PTPRD: variants seen among roughly 807,000 people sequenced by gnomAD.
The protein encoded by PTPRD is protein tyrosine phosphatase receptor type D.
In PTPRD, 34 loss-of-function variants were observed where a neutral mutation model predicts 214.5. That is an observed-to-expected ratio of 0.16 (90% CI 0.12 to 0.21). PTPRD has a LOEUF of 0.21. Ranked by LOEUF, PTPRD falls within the 10% of genes least tolerant of loss-of-function variation. PTPRD has a pLI of 1.00. For missense variants in PTPRD, 2,545 were observed against 2,398.7 expected, an observed-to-expected ratio of 1.06 and a Z score of -1.27; for synonymous variants, 1,128 against 845.7, an observed-to-expected ratio of 1.33 and a Z score of -5.79.
At chr9:9,789,790 CTGTCTCAAAAAAAAAAAAA>C (rs1217044732) in intron 5 of PTPRD, among the ~76,000 whole-genome samples, 2 of 71,798 alleles carry the variant, frequency 2.8e-5, no homozygotes, top group African/African-American at 7.8e-5. Flanking sequence ...GAGCCAAACT[CTGTCTCAAAAAAAAAAAAA>C]AAAAAAAAAA....
intron 2 of PTPRD, among the ~76,000 whole-genome samples, chr9:10,590,909 T>C (rs573593795): frequency 1.3e-5 from 2 of 150,246 alleles, no homozygotes; most frequent in Admixed American, 6.7e-5. Context: ...ATAAAATATA[T>C]ATAAATTATA....
At chr9:9,652,730 T>A (rs2096396848) in intron 7 of PTPRD, among the ~76,000 whole-genome samples, 1 of 151,698 alleles carries the variant, frequency 6.6e-6, no homozygotes, top group Non-Finnish European at 1.5e-5. Context: ...TTCTCCTACC[T>A]CAGCCTCCCA....
chr9:8,657,466 G>A (rs907036364), intron 12 of PTPRD, among the ~76,000 whole-genome samples: 1 of 151,986 alleles, frequency 6.6e-6, no homozygotes. Context: ...ACCGTGCCCG[G>A]CCTGCCCACT....
At chr9:9,876,052 G>C (rs2066764531) in intron 5 of PTPRD, among the ~76,000 whole-genome samples, 1 of 152,044 alleles carries the variant, frequency 6.6e-6, no homozygotes, top group African/African-American at 2.4e-5. Context: ...AAGAAGGAAG[G>C]AATAAAGGAT....
intron 10 of PTPRD, among the ~76,000 whole-genome samples, chr9:9,053,300 G>A (rs1417998834): frequency 6.6e-6 from 1 of 151,860 alleles, no homozygotes; most frequent in African/African-American, 2.4e-5. Flanking sequence ...ATATTAATAG[G>A]GCTATTAAGA....
chr9:10,098,993 T>C (rs960272123), intron 3 of PTPRD, among the ~76,000 whole-genome samples: 2 of 151,776 alleles, frequency 1.3e-5, no homozygotes, highest in African/African-American at 4.8e-5. Context: ...ACAATGGGTG[T>C]ACCCTCTTTT....
chr9:9,947,530 A>ATATATT (rs1566622153), intron 4 of PTPRD, among the ~76,000 whole-genome samples: 1 of 17,328 alleles, frequency 5.8e-5, no homozygotes, highest in African/African-American at 3.0e-4. Flanking sequence ...TATTATATAT[A>ATATATT]TTTTATATAT....
intron 10 of PTPRD, among the ~76,000 whole-genome samples, chr9:9,159,463 GCAA>G (rs1268958124): frequency 2.0e-5 from 3 of 151,938 alleles, no homozygotes; most frequent in Admixed American, 6.6e-5. Flanking sequence ...ATTTATAATA[GCAA>G]CAACAACAAA....
chr9:10,382,066 A>G (rs1238962090), intron 2 of PTPRD, among the ~76,000 whole-genome samples: 1 of 151,878 alleles, frequency 6.6e-6, no homozygotes, highest in Non-Finnish European at 1.5e-5. Context: ...TAAGTCGTCT[A>G]ATGTCTGCAA....
rs371798959 is a variant in PTPRD, at chr9:8,381,694, A to G, written c.4387-4968T>C. On this transcript the variant is annotated intron_variant, in intron 37 of 45. Coordinates refer to ENST00000381196, the MANE Select transcript of PTPRD (RefSeq NM_002839.4). Reference sequence around the variant, plus strand: ...TATTATTCTCAAAATAAACCAAATTACATGTCATAAAATTGCCTACCAGTT... The same window carrying G: ...TATTATTCTCAAAATAAACCAAATTGCATGTCATAAAATTGCCTACCAGTT... 4.2e-4 allele frequency among the ~76,000 whole-genome samples: 64 copies of G among 152,340 alleles called. 3 individuals are homozygous for G. In the South Asian group the frequency reaches 0.013, roughly 32 times the overall value.
chr9:9,135,917 G>C (rs2099850101), intron 10 of PTPRD, among the ~76,000 whole-genome samples: 1 of 150,578 alleles, frequency 6.6e-6, no homozygotes, highest in Non-Finnish European at 1.5e-5. Flanking sequence ...ATTAGTTTAT[G>C]ACAACCATTT....
intron 11 of PTPRD, among the ~76,000 whole-genome samples, chr9:8,881,430 C>A (rs2098445192): frequency 6.6e-6 from 1 of 152,178 alleles, no homozygotes. Flanking sequence ...TTTTTCCTCT[C>A]AAACATGAGA....
chr9:8,880,475 C>T (rs986115962), intron 11 of PTPRD, among the ~76,000 whole-genome samples: 4 of 152,106 alleles, frequency 2.6e-5, no homozygotes, highest in Admixed American at 6.6e-5. Flanking sequence ...CTGATTTTAA[C>T]GCCATTATTT....
chr9:10,397,727 A>T (rs964631975), intron 2 of PTPRD, among the ~76,000 whole-genome samples: 2 of 152,014 alleles, frequency 1.3e-5, no homozygotes, highest in African/African-American at 4.8e-5. Flanking sequence ...TAGGAGCAAT[A>T]GGCTTCTAGA....
chr9:10,295,037 A>G (rs1251602304), intron 3 of PTPRD, among the ~76,000 whole-genome samples: 1 of 152,018 alleles, frequency 6.6e-6, no homozygotes, highest in African/African-American at 2.4e-5. Flanking sequence ...ATACTGATAA[A>G]AGAGGAAAAC....
intron 7 of PTPRD, among the ~76,000 whole-genome samples, chr9:9,714,125 A>G (rs1295285543): frequency 6.6e-6 from 1 of 150,984 alleles, no homozygotes. Flanking sequence ...AATACAAGGG[A>G]CACTGATTTC....
At chr9:10,462,372 G>C (rs950894212) in intron 2 of PTPRD, among the ~76,000 whole-genome samples, 9 of 151,210 alleles carry the variant, frequency 6.0e-5, no homozygotes, top group Admixed American at 5.3e-4. Flanking sequence ...TGACTTTTAA[G>C]AAAGGTAATA....
intron 11 of PTPRD, among the ~76,000 whole-genome samples, chr9:9,016,250 G>A (rs1375341969): frequency 6.6e-6 from 1 of 152,164 alleles, no homozygotes; most frequent in East Asian, 1.9e-4. Flanking sequence ...AAATTACTGT[G>A]ACAATTTTCC....
intron 31 of PTPRD, among the ~76,000 whole-genome samples, chr9:8,466,365 T>C (rs1382286479): frequency 6.6e-6 from 1 of 151,940 alleles, no homozygotes; most frequent in Non-Finnish European, 1.5e-5. Context: ...TGCCAGATAA[T>C]ATAGGCAAGG....
Sources: allele counts gnomAD v4.1 joint callset (sites outside exome capture counted in the v4.1 genomes callset), GRCh38; gene constraint gnomAD v4.1.1; transcripts MANE v1.5; gene names NCBI Gene and HGNC (gene_info 2026-07-23, HGNC 2026-07-21).